The following ZNF563 variants were observed in gnomAD, a reference collection of about 807,000 sequenced individuals.
The protein encoded by ZNF563 is zinc finger protein 563.
In ZNF563, 39 loss-of-function variants were observed where a neutral mutation model predicts 48.5. The ratio of observed to expected loss-of-function variants is 0.80; its 90% CI spans 0.62 to 1.05. The LOEUF (loss-of-function observed/expected upper bound fraction) is 1.05. Among genes scored for constraint, ZNF563 ranks in the 50% least tolerant of loss-of-function variants. ZNF563 has a pLI of 0.00. For missense variants in ZNF563, 538 were observed against 597.0 expected (o/e 0.90, Z 1.03); for synonymous variants, 168 against 187.9 (o/e 0.89, Z 0.87).
chr19:12,338,791 G>A, the ZNF563 span, among the ~76,000 whole-genome samples: 10 of 152,122 alleles, frequency 6.6e-5, no homozygotes, highest in East Asian at 9.7e-4. Context: ...GGCAGAGGTC[G>A]CGGTGAGCCA....
Position 12,318,024 on chromosome 19 carries a change from T to G in ZNF563, c.*570A>C, listed in dbSNP as rs1260634842. ...CTTTCATGTACTTTTTTTTTTTTTT[T>G]GAGACAGGGTCTGGCTCTGTCGCCC... On this transcript the variant is annotated 3_prime_UTR_variant, in exon 4 of 4. Transcript: ENST00000293725. 6.4e-6 allele frequency: 1 copy of G among 156,218 alleles called. No individual in the cohort carries two copies. Among genetic ancestry groups the G allele is most frequent in the African/African-American group, 2.4e-5 (1 of 41,328 alleles). The allele number at this position is 156,218 out of a possible 1,614,324, so 9.7% of individuals were successfully genotyped here. A position where few individuals can be genotyped will look rare whatever the true frequency, so the allele number is the denominator to read the frequency against.
In ZNF563 at chr19:12,319,465, T is replaced by TAA. The variant is rs1409805798; in HGVS notation, c.559_560insTT (p.His187LeufsTer4). Reference sequence around the variant, plus strand: ...TCTATTTCCACCTTGCACTACCATGTGTCTTCGAAGGTTTCTACGAGAACT... The same window carrying TAA: ...TCTATTTCCACCTTGCACTACCATGTAAGTCTTCGAAGGTTTCTACGAGAACT... On this transcript the variant is annotated frameshift_variant, in exon 4 of 4. Transcript: ENST00000293725. LOFTEE classifies it high-confidence loss of function. The TAA allele has an allele frequency of 1.2e-6, 2 of 1,614,152 alleles. No homozygotes were observed. The highest frequency in any genetic ancestry group is 3.3e-5 in the Admixed American group (2 of 60,000).
chr19:12,327,329 G>A (rs1968818766), intron 1 of ZNF563, among the ~76,000 whole-genome samples: 4 of 151,498 alleles, frequency 2.6e-5, no homozygotes, highest in South Asian at 2.1e-4. Context: ...GTGTGGTGGC[G>A]GGCATCTGTA....
chr19:12,338,166 T>C (rs1341921530), upstream of ZNF563, among the ~76,000 whole-genome samples: 7 of 152,174 alleles, frequency 4.6e-5, no homozygotes, highest in Admixed American at 4.6e-4. Context: ...TCAGGGTAGA[T>C]GGCAGGGTAC....
the ZNF563 span, among the ~76,000 whole-genome samples, chr19:12,339,273 CTTTTTTTT>C: frequency 5.8e-5 from 5 of 86,476 alleles, no homozygotes; most frequent in East Asian, 3.8e-4. Context: ...CAGTTGATTT[CTTTTTTTT>C]TTTTTTTTTT....
At chr19:12,344,263 T>C in the ZNF563 span, among the ~76,000 whole-genome samples, 1 of 151,118 alleles carries the variant, frequency 6.6e-6, no homozygotes, top group Admixed American at 6.6e-5. Flanking sequence ...TGTGGTGGCA[T>C]GTGCCTATGG....
Position 12,318,877 on chromosome 19 carries a change from T to G in ZNF563, c.1148A>C (p.His383Pro). Reference protein sequence around the residue: ...TLSHSSSFRRHMIMHTGGGPH... With the variant: ...TLSHSSSFRRPMIMHTGGGPH... ...TCCACCTCCAGTGTGCATTATCATG[T>G]GTCTTCGAAAGCTTGAGCTATGAGA... Residue 383 changes from histidine to proline, a missense_variant, in exon 4 of 4, where the codon CAC becomes CCC. Transcript: ENST00000293725. The G allele has an allele frequency of 6.2e-7, 1 of 1,614,228 alleles. No homozygotes were observed. Among genetic ancestry groups the G allele is most frequent in the Non-Finnish European group, 8.5e-7 (1 of 1,180,028 alleles).
intron 1 of ZNF563, among the ~76,000 whole-genome samples, chr19:12,324,060 C>T (rs1388320110): frequency 6.6e-6 from 1 of 151,966 alleles, no homozygotes; most frequent in East Asian, 1.9e-4. Context: ...CCTAAATAAC[C>T]AAAAATTTCA....
chr19:12,331,425 T>A (rs930135122), intron 1 of ZNF563, among the ~76,000 whole-genome samples: 3 of 151,912 alleles, frequency 2.0e-5, no homozygotes, highest in African/African-American at 7.3e-5. Context: ...CTCACTGGGG[T>A]AAGTTATCTT....
Position 12,332,337 on chromosome 19 carries a change from T to A in ZNF563, c.3+1143A>T, listed in dbSNP as rs145265298. 8.3e-3 allele frequency among the ~76,000 whole-genome samples: 1,253 copies of A among 150,550 alleles called. 18 individuals are homozygous for A. Among genetic ancestry groups the A allele is most frequent in the African/African-American group, 0.029 (1,180 of 40,382 alleles). On this transcript the variant is annotated intron_variant, in intron 1 of 3. Coordinates refer to ENST00000293725, the MANE Select transcript of ZNF563 (RefSeq NM_145276.3). ...AAGTTACGGGTCTAACTTTGTTTTT[T>A]TTCTTTTTTCTTTTTTTTTTTTTTT...
chr19:12,325,691 G>C (rs1002327254), intron 1 of ZNF563, among the ~76,000 whole-genome samples: 1 of 152,206 alleles, frequency 6.6e-6, no homozygotes, highest in Non-Finnish European at 1.5e-5. Context: ...AAAACAGAAA[G>C]TAAATGCTAC....
At position 12,319,738 on chromosome 19, in the gene ZNF563, A is replaced by C. The variant is rs1968557529; in HGVS notation, c.287T>G (p.Ile96Ser). The C allele has an allele frequency of 6.2e-7, 1 of 1,614,060 alleles. No individual in the cohort carries two copies. The highest frequency in any genetic ancestry group is 8.5e-7 in the Non-Finnish European group (1 of 1,180,050). The stretch of plus-strand genomic sequence containing the variant: ...TTGACATGGATCTTCTCCAGGACAA[A>C]TGCTGTTGTTCACAATACTATCTCG... ...LIRDSIVNNSICPGEDPCQSA... is the reference protein window; with the variant it reads ...LIRDSIVNNSSCPGEDPCQSA... Residue 96 changes from isoleucine (I) to serine (S), a missense_variant, in exon 4 of 4, where the codon ATT becomes AGT. Physicochemically the swap from Ile to Ser is moderately radical, Grantham distance 142. Coordinates refer to ENST00000293725, the MANE Select transcript of ZNF563 (RefSeq NM_145276.3).
In ZNF563 at chr19:12,318,591, C is replaced by A. The variant is rs763483062; in HGVS notation, c.*3G>T. ...ATATAGAAGGCTTTATAATAGTTTA[C>A]ATTCATATTGTTTCTCTCCAGTGAG... On this transcript the variant is annotated 3_prime_UTR_variant, in exon 4 of 4. Coordinates refer to ENST00000293725, the MANE Select transcript of ZNF563 (RefSeq NM_145276.3). The A allele has an allele frequency of 6.2e-7, 1 of 1,609,392 alleles. No homozygotes were observed. The highest frequency in any genetic ancestry group is 1.1e-5 in the South Asian group (1 of 90,494).
Position 12,319,616 on chromosome 19 carries a change from C to T in ZNF563, c.409G>A (p.Gly137Arg). The change falls in exon 4 of 4, where the codon GGA (glycine) becomes AGA (arginine). Residue 137 changes from glycine (G) to arginine (R), a missense_variant. Physicochemically the swap from Gly to Arg is moderately radical, Grantham distance 125. Coordinates refer to ENST00000293725, the MANE Select transcript of ZNF563 (RefSeq NM_145276.3). ...GHKPHEYQEYGEKPHTHKQRG... is the reference protein window; with the variant it reads ...GHKPHEYQEYREKPHTHKQRG... Reference sequence around the variant, plus strand: ...TGTTTATGTGTATGTGGCTTCTCTCCATATTCCTGATACTCATGTGGTTTG... The same window carrying T: ...TGTTTATGTGTATGTGGCTTCTCTCTATATTCCTGATACTCATGTGGTTTG... The T allele has an allele frequency of 6.2e-7, 1 of 1,614,212 alleles. No homozygotes were observed. The highest frequency in any genetic ancestry group is 8.5e-7 in the Non-Finnish European group (1 of 1,180,042).
rs1053079064 is a variant in ZNF563 at position 12,318,256 on chromosome 19, G to A, written c.*338C>T. The A allele has an allele frequency of 3.5e-6, 1 of 284,446 alleles. No homozygotes were observed. The highest frequency in any genetic ancestry group is 6.6e-6 in the Non-Finnish European group (1 of 151,034). 17.6% of individuals were successfully genotyped at this position (284,446 alleles called of 1,614,324 possible). A position where few individuals can be genotyped will look rare whatever the true frequency, so the allele number is the denominator to read the frequency against. ...AGGTCAAGCAATTTGCCCACCCTAA[G>A]TGCTGGGATTACAGGCGTGAGCCAC... On this transcript the variant is annotated 3_prime_UTR_variant, in exon 4 of 4. Transcript: ENST00000293725.
chr19:12,319,913 G>A, intron 3 of ZNF563, 80 bp from the exon 4 acceptor site: 1 of 1,304,838 alleles, frequency 7.7e-7, no homozygotes, highest in South Asian at 1.5e-5. Context: ...GGTATTGGAT[G>A]TACTTTTTTT....
At position 12,332,430 on chromosome 19, in the gene ZNF563, A is replaced by G. The variant is rs1276013787; in HGVS notation, c.3+1050T>C. On this transcript the variant is annotated intron_variant, in intron 1 of 3. Transcript: ENST00000293725. ...CAGTGACGTGATCTCAGTTCACTGC[A>G]ACCTCCGCCTCATGGGTTCAAGCGA... is the stretch of plus-strand genomic sequence containing the variant. Among the ~76,000 whole-genome samples, 3 of 146,468 alleles carry G rather than the reference A, an allele frequency of 2.0e-5. No homozygotes were observed. In the Admixed American group the frequency reaches 2.1e-4, roughly 10 times the overall value.
the ZNF563 span, among the ~76,000 whole-genome samples, chr19:12,341,070 G>A: frequency 1.3e-5 from 2 of 152,184 alleles, no homozygotes; most frequent in South Asian, 4.2e-4. Flanking sequence ...ATTTATTTGG[G>A]ACAAGGTCTC....
intron 1 of ZNF563, among the ~76,000 whole-genome samples, chr19:12,325,338 C>A (rs368471946): frequency 6.6e-6 from 1 of 151,970 alleles, no homozygotes; most frequent in African/African-American, 2.4e-5. Flanking sequence ...AAATTAGCCA[C>A]GCTTGGTGGC....
Sources: allele counts gnomAD v4.1 joint callset (sites outside exome capture counted in the v4.1 genomes callset), GRCh38; gene constraint gnomAD v4.1.1; transcripts MANE v1.5; gene names NCBI Gene and HGNC (gene_info 2026-07-23, HGNC 2026-07-21).